Variants in LRRC4C observed in about 807,000 individuals in gnomAD.
LRRC4C encodes the protein leucine-rich repeat-containing protein 4C.
A neutral mutation model predicts 33.6 loss-of-function variants in LRRC4C; 5 were observed. The observed-to-expected ratio is 0.15, with a 90% confidence interval of 0.08 to 0.31. LRRC4C has a LOEUF of 0.31. Ranked by LOEUF, LRRC4C falls within the 10% of genes least tolerant of loss-of-function variation. The probability of loss-of-function intolerance (pLI) is 1.00; values close to 1 mark genes in which losing one functional copy is unlikely to be tolerated. For missense variants in LRRC4C, 560 were observed against 796.7 expected, an observed-to-expected ratio of 0.70 and a Z score of 3.58; for synonymous variants, 329 against 302.0, an observed-to-expected ratio of 1.09 and a Z score of -0.93.
chr11:40,952,966 C>A (rs1302045753), intron 1 of LRRC4C, among the ~76,000 whole-genome samples: 2 of 150,918 alleles, frequency 1.3e-5, no homozygotes, highest in African/African-American at 4.9e-5. Flanking sequence ...ACCTATTTGG[C>A]CCCTGTATGG....
At chr11:40,870,311 A>G (rs1954574767) in intron 2 of LRRC4C, among the ~76,000 whole-genome samples, 1 of 152,150 alleles carries the variant, frequency 6.6e-6, no homozygotes, top group Non-Finnish European at 1.5e-5. Flanking sequence ...GCTGTGCTCC[A>G]TGAATTGGTG....
chr11:40,559,124 G>A (rs1957444643), intron 3 of LRRC4C, among the ~76,000 whole-genome samples: 1 of 149,318 alleles, frequency 6.7e-6, no homozygotes, highest in East Asian at 2.0e-4. Context: ...CATTTAGGTT[G>A]ATTCAATTTG....
At chr11:40,776,965 C>T (rs997542086) in intron 2 of LRRC4C, among the ~76,000 whole-genome samples, 2 of 152,076 alleles carry the variant, frequency 1.3e-5, no homozygotes, top group African/African-American at 4.8e-5. Context: ...TTGATATCTG[C>T]CTTAATTGAA....
At chr11:40,646,304 G>A (rs1942452630) in intron 3 of LRRC4C, among the ~76,000 whole-genome samples, 1 of 152,144 alleles carries the variant, frequency 6.6e-6, no homozygotes, top group African/African-American at 2.4e-5. Flanking sequence ...AGACATTCAG[G>A]GAGAAGTAGA....
At chr11:40,893,197 T>C (rs1955796593) in intron 2 of LRRC4C, among the ~76,000 whole-genome samples, 1 of 151,604 alleles carries the variant, frequency 6.6e-6, no homozygotes, top group African/African-American at 2.4e-5. Flanking sequence ...AGATAGGGAG[T>C]AGAATGATGG....
rs75149990 is a variant in LRRC4C at position 41,077,815 on chromosome 11, A to C, written c.-495-144092T>G. The stretch of plus-strand genomic sequence containing the variant: ...TTTATTCCACATGGTCACACCGCAA[A>C]TTTTCCAAACGTTTATGCTCTGCTT... On this transcript the variant is annotated intron_variant, in intron 1 of 6. Transcript: ENST00000528697. Among the ~76,000 whole-genome samples, 20 of 152,190 alleles carry C rather than the reference A, an allele frequency of 1.3e-4. No individual in the cohort carries two copies. In the East Asian group the frequency reaches 3.7e-3, roughly 28 times the overall value.
intron 2 of LRRC4C, among the ~76,000 whole-genome samples, chr11:40,779,101 T>G (rs773755713): frequency 6.6e-6 from 1 of 152,086 alleles, no homozygotes; most frequent in East Asian, 1.9e-4. Flanking sequence ...ACAGGGAAGG[T>G]GTCCAGAACC....
At chr11:40,609,028 T>C (rs1960924133) in intron 3 of LRRC4C, among the ~76,000 whole-genome samples, 1 of 151,942 alleles carries the variant, frequency 6.6e-6, no homozygotes, top group Non-Finnish European at 1.5e-5. Context: ...TCCAGAGAGA[T>C]TAATAGGAAA....
At chr11:40,885,021 A>C (rs1228626206) in intron 2 of LRRC4C, among the ~76,000 whole-genome samples, 1 of 151,968 alleles carries the variant, frequency 6.6e-6, no homozygotes, top group Non-Finnish European at 1.5e-5. Flanking sequence ...AAAATTATCG[A>C]CTGGGAACAA....
intron 3 of LRRC4C, among the ~76,000 whole-genome samples, chr11:40,478,651 T>C (rs536270142): frequency 1.5e-4 from 23 of 152,342 alleles, no homozygotes; most frequent in African/African-American, 5.5e-4. Flanking sequence ...CATTAACTCG[T>C]CATTTACATT....
At chr11:40,260,647 C>G (rs2136252935) in intron 4 of LRRC4C, among the ~76,000 whole-genome samples, 1 of 152,204 alleles carries the variant, frequency 6.6e-6, no homozygotes, top group East Asian at 1.9e-4. Context: ...GTCCAAGGAG[C>G]TAAGAAAGGA....
chr11:40,853,998 T>C (rs1317886971), intron 2 of LRRC4C, among the ~76,000 whole-genome samples: 1 of 151,962 alleles, frequency 6.6e-6, no homozygotes, highest in African/African-American at 2.4e-5. Context: ...ATCAAAAATA[T>C]CACAATTCAA....
intron 3 of LRRC4C, among the ~76,000 whole-genome samples, chr11:40,502,872 G>A (rs1293921015): frequency 6.6e-6 from 1 of 152,172 alleles, no homozygotes; most frequent in Non-Finnish European, 1.5e-5. Context: ...TTTTTGTAAT[G>A]TAAGATGTTC....
intron 1 of LRRC4C, among the ~76,000 whole-genome samples, chr11:41,445,189 C>T (rs1011480424): frequency 6.6e-6 from 1 of 152,196 alleles, no homozygotes; most frequent in Non-Finnish European, 1.5e-5. Context: ...AACATGCAAC[C>T]TTCGCTTCAC....
intron 3 of LRRC4C, among the ~76,000 whole-genome samples, chr11:40,440,304 T>C (rs1428941074): frequency 2.0e-5 from 3 of 148,492 alleles, no homozygotes; most frequent in Non-Finnish European, 3.0e-5. Context: ...TCTTTCTTTT[T>C]TTTTTTTTTT....
Position 41,408,760 on chromosome 11 carries a change from A to AAAACAAACAAAC in LRRC4C, c.-496+50670_-496+50671insGTTTGTTTGTTT, listed in dbSNP as rs1555167150. On this transcript the variant is annotated intron_variant, in intron 1 of 6. Transcript: ENST00000528697. ...GGTATATTTTTGTAAAAAAAAAAAA[A>AAAACAAACAAAC]AAAAAAACTGAGTCTCTCAAAAATT... Among the ~76,000 whole-genome samples the AAAACAAACAAAC allele has an allele frequency of 9.3e-4, 140 of 151,334 alleles. 2 individuals carry two copies. The highest frequency in any genetic ancestry group is 3.1e-3 in the African/African-American group (126 of 40,842).
At chr11:40,438,621 G>A (rs565699838) in intron 3 of LRRC4C, among the ~76,000 whole-genome samples, 1 of 152,270 alleles carries the variant, frequency 6.6e-6, no homozygotes, top group Non-Finnish European at 1.5e-5. Context: ...AAGGACTCTG[G>A]AAGAGAAGAA....
chr11:41,229,715 G>A (rs2136449466), intron 1 of LRRC4C, among the ~76,000 whole-genome samples: 1 of 152,142 alleles, frequency 6.6e-6, no homozygotes, highest in East Asian at 1.9e-4. Flanking sequence ...CTGTCTCAAT[G>A]TTTTCTTGCA....
intron 3 of LRRC4C, among the ~76,000 whole-genome samples, chr11:40,443,730 A>C (rs148595100): frequency 6.6e-5 from 10 of 152,210 alleles, no homozygotes; most frequent in Non-Finnish European, 1.3e-4. Flanking sequence ...GAAGGTAGCA[A>C]TATGAAGCAG....
Sources: allele counts gnomAD v4.1 joint callset (sites outside exome capture counted in the v4.1 genomes callset), GRCh38; gene constraint gnomAD v4.1.1; transcripts MANE v1.5; gene names NCBI Gene and HGNC (gene_info 2026-07-23, HGNC 2026-07-21).